PMFBP1: variants seen among roughly 807,000 people sequenced by gnomAD.
PMFBP1 encodes polyamine modulated factor 1 binding protein 1.
In PMFBP1, 131 loss-of-function variants were observed where a neutral mutation model predicts 137.8. The ratio of observed to expected loss-of-function variants is 0.95; its 90% CI spans 0.82 to 1.10. PMFBP1 has a LOEUF of 1.10. PMFBP1 is among the 50% of genes least tolerant of loss of function. The probability of loss-of-function intolerance (pLI) is 0.00; values close to 1 mark genes in which losing one functional copy is unlikely to be tolerated. For synonymous variants in PMFBP1, 490 were observed against 450.4 expected (o/e 1.09, Z -1.11); for missense variants, 1,199 against 1,175.4 (o/e 1.02, Z -0.29).
chr16:72,122,968 C>T lies in PMFBP1; in HGVS notation c.2714G>A (p.Gly905Glu), dbSNP rs1412727431. 6.2e-7 allele frequency: 1 copy of T among 1,613,270 alleles called. No individual in the cohort carries two copies. The highest frequency in any genetic ancestry group is 1.7e-4 in the Middle Eastern group (1 of 6,048). The change falls in exon 19 of 21, where the codon GGA becomes GAA. Residue 905 changes from glycine (G) to glutamate (E), a missense_variant. Physicochemically the swap from Gly to Glu is moderately conservative, Grantham distance 98 (BLOSUM62 -2). Transcript: ENST00000237353. ...TTTCACCTGCTCTCGGAGCTGGTTT[C>T]CTAGTTTCTCATTGGCGACCCTGTA... ...KQQKVANEKL[G>E]NQLREQVKYI...
chr16:72,210,887 AATG>A, the PMFBP1 span, among the ~76,000 whole-genome samples: 3 of 152,130 alleles, frequency 2.0e-5, no homozygotes, highest in Non-Finnish European at 4.4e-5. Context: ...CCTTTACTAA[AATG>A]ATCCAGTAGC....
At chr16:72,126,425 C>T (rs78741453) in intron 14 of PMFBP1, among the ~76,000 whole-genome samples, 5,764 of 152,332 alleles carry the variant, frequency 0.038, 320 homozygotes, top group African/African-American at 0.13. Flanking sequence ...GTCCCTTTCA[C>T]ATACTCTGCA....
chr16:72,184,634 T>C, the PMFBP1 span, among the ~76,000 whole-genome samples: 1 of 152,192 alleles, frequency 6.6e-6, no homozygotes, highest in Admixed American at 6.5e-5. Context: ...GGGGTAAAGG[T>C]GGAATTCAAA....
intron 3 of PMFBP1, among the ~76,000 whole-genome samples, chr16:72,161,409 T>C (rs2043060422): frequency 6.6e-6 from 1 of 152,078 alleles, no homozygotes; most frequent in Non-Finnish European, 1.5e-5. Context: ...TATCTGTTAT[T>C]TCTTATGTCT....
rs148541048 is a variant in PMFBP1, at chr16:72,136,740, C to T, written c.998G>A (p.Arg333His). Residue 333 changes from arginine to histidine, a missense_variant, in exon 8 of 21, where the codon CGC (arginine) becomes CAC (histidine). Transcript: ENST00000237353. ...TTCCGACACGGCCTCTAGTTCCACG[C>T]GCAGATCCTTCACCAGGTTCTGGTA... ...EEYQNLVKDL[R>H]VELEAVSEQK... is the part of the protein sequence containing the mutation. 49 of 1,614,052 alleles carry T rather than the reference C, an allele frequency of 3.0e-5. No homozygotes were observed. The highest frequency in any genetic ancestry group is 1.6e-4 in the Middle Eastern group (1 of 6,084).
the PMFBP1 span, chr16:72,224,994 T>C: frequency 1.3e-5 from 2 of 152,212 alleles, no homozygotes; most frequent in Non-Finnish European, 2.9e-5. Context: ...TGTTCTGAGT[T>C]ACTTATATAA....
chr16:72,242,873 T>G, the PMFBP1 span, among the ~76,000 whole-genome samples: 11,096 of 152,204 alleles, frequency 0.073, 453 homozygotes, highest in South Asian at 0.11. Context: ...TGTGTGTTTG[T>G]GTGCAAAGGG....
the PMFBP1 span, among the ~76,000 whole-genome samples, chr16:72,206,736 G>GC: frequency 2.0e-5 from 3 of 152,174 alleles, no homozygotes; most frequent in Non-Finnish European, 4.4e-5. Flanking sequence ...ACTGCTTTTA[G>GC]CTGAACTCAA....
At chr16:72,204,686 G>A in the PMFBP1 span, among the ~76,000 whole-genome samples, 5 of 152,138 alleles carry the variant, frequency 3.3e-5, no homozygotes, top group Admixed American at 6.5e-5. Flanking sequence ...GTGCTCCCTG[G>A]CTAGTACTTG....
At chr16:72,249,875 C>T in the PMFBP1 span, among the ~76,000 whole-genome samples, 1 of 128,424 alleles carries the variant, frequency 7.8e-6, no homozygotes, top group African/African-American at 3.0e-5. Flanking sequence ...GAGCCAAGAT[C>T]ACACCACTGC....
At chr16:72,141,342 T>C (rs1159824582) in intron 5 of PMFBP1, among the ~76,000 whole-genome samples, 1 of 152,236 alleles carries the variant, frequency 6.6e-6, no homozygotes, top group Non-Finnish European at 1.5e-5. Flanking sequence ...ACTCCTCTTT[T>C]AAAATTAATT....
At chr16:72,130,074 G>A (rs2042524773) in intron 12 of PMFBP1, 139 bp downstream of exon 12, 1 of 1,096,760 alleles carries the variant, frequency 9.1e-7, no homozygotes, top group Non-Finnish European at 1.3e-6. Flanking sequence ...AGGCTGGTCT[G>A]GAACCCCTGG....
At chr16:72,192,901 CAAAA>C in the PMFBP1 span, among the ~76,000 whole-genome samples, 3 of 85,240 alleles carry the variant, frequency 3.5e-5, no homozygotes, top group African/African-American at 4.6e-5. Context: ...GTCTCTGTCT[CAAAA>C]AAAAAAAAAA....
chr16:72,178,330 T>A (rs2043265491), upstream of PMFBP1, among the ~76,000 whole-genome samples: 1 of 152,096 alleles, frequency 6.6e-6, no homozygotes, highest in African/African-American at 2.4e-5. Flanking sequence ...TACTATAAAG[T>A]TATTATTTTT....
chr16:72,176,807 T>C (rs1258191636), upstream of PMFBP1: 1 of 152,276 alleles, frequency 6.6e-6, no homozygotes, highest in Non-Finnish European at 1.5e-5. Flanking sequence ...GAGATCTCTC[T>C]CTACAGTTCA....
chr16:72,164,236 C>T (rs191950234), intron 3 of PMFBP1: 33 of 396,596 alleles, frequency 8.3e-5, no homozygotes, highest in Non-Finnish European at 4.4e-5. Context: ...TTGAGGGTTG[C>T]TTCTAGGGGC....
Position 72,140,579 on chromosome 16 carries a change from GCTC to G in PMFBP1, c.637_639del (p.Glu213del). ...TTTGAATGATCACCCTTGTTCTCAGGCTCCTGAGAGATTTAAAAATAATGGGTT... is the reference window on the plus strand; with the variant it reads ...TTTGAATGATCACCCTTGTTCTCAGGCTGAGAGATTTAAAAATAATGGGTT... On this transcript the variant is annotated inframe_deletion and splice_region_variant, in exon 6 of 21. Transcript: ENST00000237353. 1 of 1,609,900 alleles carries G rather than the reference GCTC, an allele frequency of 6.2e-7. No individual in the cohort carries two copies. Among genetic ancestry groups the G allele is most frequent in the Non-Finnish European group, 8.5e-7 (1 of 1,177,204 alleles).
the PMFBP1 span, among the ~76,000 whole-genome samples, chr16:72,228,502 C>T: frequency 1.3e-5 from 2 of 152,172 alleles, no homozygotes; most frequent in East Asian, 1.9e-4. Context: ...TCTCCCGTTT[C>T]TAGGATACCT....
At chr16:72,206,816 A>C in the PMFBP1 span, among the ~76,000 whole-genome samples, 1 of 152,210 alleles carries the variant, frequency 6.6e-6, no homozygotes, top group Non-Finnish European at 1.5e-5. Flanking sequence ...CCTCCCTAAA[A>C]GTTTTATAGT....
Sources: allele counts gnomAD v4.1 joint callset (sites outside exome capture counted in the v4.1 genomes callset), GRCh38; gene constraint gnomAD v4.1.1; transcripts MANE v1.5; gene names NCBI Gene and HGNC (gene_info 2026-07-23, HGNC 2026-07-21).